COL21A1: variants seen among roughly 807,000 people sequenced by gnomAD.
COL21A1 encodes collagen type XXI alpha 1 chain, also known as collagen alpha-1(XXI) chain.
A neutral mutation model predicts 137.9 loss-of-function variants in COL21A1; 149 were observed. The observed-to-expected ratio is 1.08, with a 90% CI of 0.95 to 1.24. The LOEUF (loss-of-function observed/expected upper bound fraction) is 1.24. Among genes scored for constraint, COL21A1 ranks in the 50% most tolerant of loss-of-function variants. COL21A1 has a pLI of 0.00. For synonymous variants in COL21A1, 456 were observed against 391.5 expected (o/e 1.16, Z -1.95); for missense variants, 1,167 against 1,158.4 (o/e 1.01, Z -0.11).
In COL21A1 at chr6:56,211,645, G is replaced by C. The variant is rs187020153; in HGVS notation, c.-38-28989C>G. On this transcript the variant is annotated intron_variant, in intron 1 of 29. Coordinates refer to ENST00000244728, the MANE Select transcript of COL21A1 (RefSeq NM_030820.4). Reference sequence around the variant, plus strand: ...TTCTAGAAGAATTACCAAACTGGGGGAGAGAGGAAGATGTCACTCGAATGT... The same window carrying C: ...TTCTAGAAGAATTACCAAACTGGGGCAGAGAGGAAGATGTCACTCGAATGT... 3.5e-3 allele frequency among the ~76,000 whole-genome samples: 539 copies of C among 152,218 alleles called. 5 individuals are homozygous for C. Among genetic ancestry groups the C allele is most frequent in the Middle Eastern group, 0.024 (7 of 294 alleles).
intron 16 of COL21A1, 92 bp downstream of exon 16, chr6:56,123,969 TA>T: frequency 9.0e-7 from 1 of 1,109,660 alleles, no homozygotes. Context: ...TGCCACATGT[TA>T]AAAAATTTTA....
intron 1 of COL21A1, among the ~76,000 whole-genome samples, chr6:56,227,888 T>C (rs72876079): frequency 0.063 from 9,540 of 152,076 alleles, 440 homozygotes; most frequent in Non-Finnish European, 0.1. Flanking sequence ...AGGAAATGGG[T>C]ACATTCTCTG....
intron 1 of COL21A1, among the ~76,000 whole-genome samples, chr6:56,351,487 AC>A (rs1185201598): frequency 2.6e-5 from 4 of 152,168 alleles, no homozygotes; most frequent in African/African-American, 9.7e-5. Context: ...TAAATGGGGG[AC>A]CTGGGAGCTA....
At chr6:56,363,779 A>AC (rs200903233) in intron 1 of COL21A1, among the ~76,000 whole-genome samples, 1 of 37,320 alleles carries the variant, frequency 2.7e-5, no homozygotes, top group Non-Finnish European at 5.3e-5. Flanking sequence ...AACCCAAAAT[A>AC]CCCCCCGACA....
chr6:56,141,654 A>C (rs1663472998), intron 12 of COL21A1, 131 bp downstream of exon 12: 1 of 870,214 alleles, frequency 1.1e-6, no homozygotes, highest in African/African-American at 1.7e-5. Context: ...TCTAATAGCC[A>C]CTGACAAATT....
intron 1 of COL21A1, among the ~76,000 whole-genome samples, chr6:56,269,213 C>T (rs1763464107): frequency 6.6e-6 from 1 of 152,140 alleles, no homozygotes; most frequent in South Asian, 2.1e-4. Context: ...AAAAATTCCC[C>T]TAATATTGCT....
intron 1 of COL21A1, among the ~76,000 whole-genome samples, chr6:56,380,877 T>C (rs1328366753): frequency 1.3e-5 from 2 of 152,196 alleles, no homozygotes; most frequent in African/African-American, 2.4e-5. Context: ...ATGAGTTCAA[T>C]GTTAATGAAC....
intron 12 of COL21A1, among the ~76,000 whole-genome samples, chr6:56,140,280 A>T (rs1774317587): frequency 6.6e-6 from 1 of 152,222 alleles, no homozygotes; most frequent in Non-Finnish European, 1.5e-5. Context: ...TTGCTGAGTA[A>T]GTATTCCTTT....
At chr6:56,354,646 C>G (rs963670565) in intron 1 of COL21A1, among the ~76,000 whole-genome samples, 2 of 152,120 alleles carry the variant, frequency 1.3e-5, no homozygotes, top group Non-Finnish European at 2.9e-5. Context: ...CTTTGGAAGG[C>G]CAAAGTGGGA....
chr6:56,352,532 C>T (rs1273546814), intron 1 of COL21A1, among the ~76,000 whole-genome samples: 1 of 137,598 alleles, frequency 7.3e-6, no homozygotes, highest in East Asian at 2.8e-4. Flanking sequence ...TCAGAGAATG[C>T]AACTAAGGAA....
chr6:56,317,572 TC>T (rs1764766100), intron 1 of COL21A1, among the ~76,000 whole-genome samples: 1 of 152,256 alleles, frequency 6.6e-6, no homozygotes, highest in African/African-American at 2.4e-5. Flanking sequence ...CACCTTCCTC[TC>T]CTCAGTAAAT....
At chr6:56,158,265 T>TTA (rs1775922139) in intron 9 of COL21A1, among the ~76,000 whole-genome samples, 2 of 77,408 alleles carry the variant, frequency 2.6e-5, no homozygotes, top group East Asian at 4.8e-4. Context: ...TTTTTTTTTT[T>TTA]CTTTTTTTTT....
chr6:56,115,301 GAAA>G lies in COL21A1; in HGVS notation c.1758+8758_1758+8760del, dbSNP rs70986768. On this transcript the variant is annotated intron_variant, in intron 16 of 29. Transcript: ENST00000244728. ...CTAAAACTTAAAGTATAATAATAAA[GAAA>G]AAAAAAAAAAAGAACAGAGACAAAG... 2.3e-3 allele frequency among the ~76,000 whole-genome samples: 319 copies of G among 140,752 alleles called. 4 individuals carry two copies. Among genetic ancestry groups the G allele is most frequent in the African/African-American group, 8.1e-3 (300 of 37,220 alleles). The allele number at this position is 140,752 out of a possible 152,430, so 92.3% of individuals were successfully genotyped here.
chr6:56,290,550 A>G (rs1764017446), intron 1 of COL21A1, among the ~76,000 whole-genome samples: 1 of 136,352 alleles, frequency 7.3e-6, no homozygotes, highest in Non-Finnish European at 1.5e-5. Flanking sequence ...CCCAGGTTAG[A>G]GTGCAGTGGC....
chr6:56,198,840 A>T (rs1980487), intron 1 of COL21A1, among the ~76,000 whole-genome samples: 95,200 of 151,910 alleles, frequency 0.63, 30,144 homozygotes, highest in East Asian at 0.86. Context: ...CTTGATATGA[A>T]TTTGGAATAA....
chr6:56,221,504 C>G (rs1168872384), intron 1 of COL21A1, among the ~76,000 whole-genome samples: 1 of 152,082 alleles, frequency 6.6e-6, no homozygotes, highest in Non-Finnish European at 1.5e-5. Flanking sequence ...AGGAGGATTA[C>G]TTGAGCCTAC....
intron 1 of COL21A1, chr6:56,276,670 G>T: frequency 6.9e-7 from 1 of 1,443,824 alleles, no homozygotes; most frequent in Non-Finnish European, 9.7e-7. Context: ...CAAAAGTCCT[G>T]CATGATCCTT....
At chr6:56,331,901 T>C (rs6931713) in intron 1 of COL21A1, 106,556 of 151,398 alleles carry the variant, frequency 0.7, 37,842 homozygotes, top group East Asian at 0.9. Context: ...GATTGAACAC[T>C]GCAATAAATC....
intron 12 of COL21A1, among the ~76,000 whole-genome samples, chr6:56,139,376 A>G (rs1774238749): frequency 6.6e-6 from 1 of 152,158 alleles, no homozygotes. Flanking sequence ...AAAGAGATTA[A>G]CAAGTGTGAT....
Sources: gnomAD v4.1 joint callset for allele counts (sites outside exome capture counted in the v4.1 genomes callset) on GRCh38, gnomAD v4.1.1 for gene constraint, MANE v1.5 for transcripts, NCBI Gene and HGNC (gene_info 2026-07-23, HGNC 2026-07-21) for gene names.